Variants in RNF212B observed in about 807,000 individuals in gnomAD.
The protein encoded by RNF212B is E3 ubiquitin-protein ligase RNF212B.
Under a neutral mutation model 55.5 loss-of-function variants are expected in RNF212B, and 52 were observed. That is an observed-to-expected ratio of 0.94 (90% CI 0.75 to 1.18). RNF212B has a LOEUF of 1.18. Among genes scored for constraint, RNF212B ranks in the 50% most tolerant of loss-of-function variants. RNF212B has a pLI of 0.00. For synonymous variants in RNF212B, 99 were observed against 121.4 expected (o/e 0.82, Z 1.21); for missense variants, 289 against 350.4 (o/e 0.82, Z 1.40).
At chr14:23,191,700 G>A (rs72684356) in intron 1 of RNF212B, among the ~76,000 whole-genome samples, 19,676 of 152,140 alleles carry the variant, frequency 0.13, 1,685 homozygotes, top group East Asian at 0.35. Flanking sequence ...TAAGTGGGAT[G>A]ATGGGTAATA....
chr14:23,255,581 T>G (rs1884770206), intron 4 of RNF212B, among the ~76,000 whole-genome samples: 1 of 152,222 alleles, frequency 6.6e-6, no homozygotes, highest in Admixed American at 6.5e-5. Context: ...TGTGTTACTG[T>G]ATTAACAAAA....
At chr14:23,229,447 C>T (rs1044646031) in intron 2 of RNF212B, among the ~76,000 whole-genome samples, 1 of 151,588 alleles carries the variant, frequency 6.6e-6, no homozygotes, top group African/African-American at 2.4e-5. Context: ...CTATTTTTCA[C>T]TTTTTGAGGA....
chr14:23,221,881 G>A (rs1468418910), intron 2 of RNF212B, among the ~76,000 whole-genome samples: 1 of 152,158 alleles, frequency 6.6e-6, no homozygotes, highest in Non-Finnish European at 1.5e-5. Flanking sequence ...GTATGCTTCT[G>A]AATGAACAGT....
intron 2 of RNF212B, among the ~76,000 whole-genome samples, chr14:23,206,427 ATTAG>A (rs1266280551): frequency 6.6e-6 from 1 of 152,286 alleles, no homozygotes; most frequent in East Asian, 1.9e-4. Context: ...CTTTAAGCCA[ATTAG>A]TTAGAGCTCT....
At chr14:23,212,651 G>A (rs904309579) in intron 2 of RNF212B, among the ~76,000 whole-genome samples, 31 of 151,452 alleles carry the variant, frequency 2.0e-4, no homozygotes, top group Admixed American at 1.6e-3. Flanking sequence ...GCGCAGTCTC[G>A]GCTCACTGCA....
At chr14:23,208,652 A>C (rs1313718784) in intron 2 of RNF212B, among the ~76,000 whole-genome samples, 13 of 152,070 alleles carry the variant, frequency 8.5e-5, no homozygotes, top group Non-Finnish European at 1.9e-4. Context: ...GAAAGAACTC[A>C]GGGTGAGTCT....
At chr14:23,244,266 T>A (rs906721849) in intron 3 of RNF212B, 56 bp from the exon 4 acceptor site, 72 of 980,542 alleles carry the variant, frequency 7.3e-5, no homozygotes, top group Non-Finnish European at 1.0e-4. Context: ...TGTTAGTCAG[T>A]ATTTTATTTT....
intron 11 of RNF212B, among the ~76,000 whole-genome samples, chr14:23,267,924 C>T (rs150215034): frequency 2.0e-5 from 3 of 152,080 alleles, no homozygotes; most frequent in Non-Finnish European, 4.4e-5. Context: ...CAGTTTCTGC[C>T]TTTTAATTCA....
chr14:23,185,570 A>T (rs1877507823), intron 1 of RNF212B: 1 of 152,246 alleles, frequency 6.6e-6, no homozygotes, highest in Non-Finnish European at 1.5e-5. Flanking sequence ...AATGTGATGA[A>T]TTTGAGGTCT....
intron 2 of RNF212B, among the ~76,000 whole-genome samples, chr14:23,241,040 C>CT (rs961478301): frequency 7.4e-4 from 112 of 150,676 alleles, no homozygotes; most frequent in African/African-American, 2.2e-3. Context: ...ATTTCAGTGT[C>CT]TTTTTTTTTA....
At chr14:23,198,890 G>A (rs193271486) in intron 2 of RNF212B, among the ~76,000 whole-genome samples, 2 of 152,230 alleles carry the variant, frequency 1.3e-5, no homozygotes, top group Non-Finnish European at 2.9e-5. Context: ...ATGAGCCCTT[G>A]GGTAGTGGAT....
intron 11 of RNF212B, among the ~76,000 whole-genome samples, chr14:23,266,428 T>TTTTTTTTC (rs1885705375): frequency 7.2e-6 from 1 of 139,754 alleles, no homozygotes; most frequent in African/African-American, 2.8e-5. Context: ...TTTTTTTTTT[T>TTTTTTTTC]GAGATGGTGT....
intron 7 of RNF212B, among the ~76,000 whole-genome samples, 174 bp from the exon 8 acceptor site, chr14:23,262,491 T>A (rs1885364304): frequency 1.3e-5 from 2 of 152,214 alleles, no homozygotes; most frequent in South Asian, 4.1e-4. Flanking sequence ...ATGGGTTTTA[T>A]ATGGAAACTT....
chr14:23,228,211 G>A (rs546000765), intron 2 of RNF212B, among the ~76,000 whole-genome samples: 27 of 152,022 alleles, frequency 1.8e-4, no homozygotes, highest in African/African-American at 6.0e-4. Flanking sequence ...CAGCCTGGGT[G>A]ACGAGAGCGA....
chr14:23,243,736 G>A (rs150294319), intron 3 of RNF212B, among the ~76,000 whole-genome samples: 333 of 115,340 alleles, frequency 2.9e-3, no homozygotes, highest in African/African-American at 4.6e-3. Flanking sequence ...AAGCAAGCAA[G>A]CAAGCAAGCA....
upstream of RNF212B, among the ~76,000 whole-genome samples, chr14:23,233,353 C>T (rs1882855329): frequency 1.3e-5 from 2 of 151,640 alleles, no homozygotes; most frequent in Admixed American, 1.3e-4. Flanking sequence ...CACTATTGTC[C>T]TATGACCCTG....
At chr14:23,187,755 T>C (rs1877735574) in intron 1 of RNF212B, among the ~76,000 whole-genome samples, 1 of 152,122 alleles carries the variant, frequency 6.6e-6, no homozygotes, top group African/African-American at 2.4e-5. Flanking sequence ...GTGCCCCATA[T>C]CTATGTGCTT....
At chr14:23,218,835 C>T (rs902034328) in intron 2 of RNF212B, among the ~76,000 whole-genome samples, 2 of 151,858 alleles carry the variant, frequency 1.3e-5, no homozygotes, top group African/African-American at 4.8e-5. Context: ...CATTCAAGTA[C>T]AGGAAAGTTA....
At chr14:23,236,489 C>T (rs1020577019), upstream of RNF212B, among the ~76,000 whole-genome samples, 14 of 152,024 alleles carry the variant, frequency 9.2e-5, no homozygotes, top group African/African-American at 2.9e-4. Context: ...CACTCCAGCC[C>T]TGGCGACAGA....
Sources: allele counts gnomAD v4.1 joint callset (sites outside exome capture counted in the v4.1 genomes callset), GRCh38; gene constraint gnomAD v4.1.1; transcripts MANE v1.5; gene names NCBI Gene and HGNC (gene_info 2026-07-23, HGNC 2026-07-21).